The following SDK1 variants were observed in gnomAD, a reference collection of about 807,000 sequenced individuals.
SDK1 encodes sidekick cell adhesion molecule 1.
A neutral mutation model predicts 245.5 loss-of-function variants in SDK1; 157 were observed. That is an observed-to-expected ratio of 0.64 (90% CI 0.56 to 0.73). The LOEUF (loss-of-function observed/expected upper bound fraction) is 0.73. Ranked by LOEUF, SDK1 falls within the 30% of genes least tolerant of loss-of-function variation. The pLI, the probability that SDK1 is intolerant of heterozygous loss-of-function variation, is 0.00. For synonymous variants in SDK1, 1,647 were observed against 1,278.5 expected, an observed-to-expected ratio of 1.29 and a Z score of -6.15; for missense variants, 3,583 against 3,002.3, an observed-to-expected ratio of 1.19 and a Z score of -4.52.
chr7:3,883,096 T>C (rs1413003619), intron 5 of SDK1, among the ~76,000 whole-genome samples: 1 of 152,178 alleles, frequency 6.6e-6, no homozygotes, highest in Non-Finnish European at 1.5e-5. Flanking sequence ...TACTGGTTTC[T>C]ACAGAGCCCA....
At chr7:3,414,129 G>T (rs914041915) in intron 1 of SDK1, among the ~76,000 whole-genome samples, 1 of 152,130 alleles carries the variant, frequency 6.6e-6, no homozygotes, top group Non-Finnish European at 1.5e-5. Context: ...GGAACTGTTA[G>T]GATTTGTATG....
intron 1 of SDK1, among the ~76,000 whole-genome samples, chr7:3,604,956 C>T (rs765699362): frequency 6.6e-6 from 1 of 151,932 alleles, no homozygotes; most frequent in Non-Finnish European, 1.5e-5. Flanking sequence ...ATTCAGTTTC[C>T]AGGTCTTTGG....
chr7:3,595,678 C>G (rs1386944314), intron 1 of SDK1, among the ~76,000 whole-genome samples: 1 of 151,916 alleles, frequency 6.6e-6, no homozygotes, highest in Non-Finnish European at 1.5e-5. Context: ...TCCTGCGTGA[C>G]TTTGAACTAG....
At chr7:3,605,145 AACACAC>A (rs3086077) in intron 1 of SDK1, among the ~76,000 whole-genome samples, 1 of 147,316 alleles carries the variant, frequency 6.8e-6, no homozygotes, top group African/African-American at 2.5e-5. Context: ...AAAAACAAGA[AACACAC>A]ACACACACAC....
At chr7:3,802,534 CA>C (rs201330492) in intron 4 of SDK1, among the ~76,000 whole-genome samples, 2,752 of 141,840 alleles carry the variant, frequency 0.019, 47 homozygotes, top group East Asian at 0.11. Flanking sequence ...GACCCTATAT[CA>C]AAAAAAAAAA....
chr7:3,657,436 C>A lies in SDK1; in HGVS notation c.713+15331C>A, dbSNP rs1324312914. The stretch of plus-strand genomic sequence containing the variant: ...CCTGGAAAGAGGGTGAGGAGCGTCA[C>A]TGTCTGGAAATTCAGGGTCCTACCC... On this transcript the variant is annotated intron_variant, in intron 4 of 44. Transcript: ENST00000404826. Among the ~76,000 whole-genome samples the A allele has an allele frequency of 5.9e-5, 9 of 152,266 alleles. No individual in the cohort carries two copies. In the South Asian group the frequency reaches 1.2e-3, roughly 21 times the overall value.
intron 17 of SDK1, among the ~76,000 whole-genome samples, chr7:4,035,853 TTG>T (rs1788171142): frequency 6.6e-6 from 1 of 152,174 alleles, no homozygotes; most frequent in Non-Finnish European, 1.5e-5. Context: ...TTAGGCCAAC[TTG>T]AAGAGGCTCC....
intron 44 of SDK1, among the ~76,000 whole-genome samples, chr7:4,264,650 G>A (rs1313267295): frequency 1.3e-5 from 2 of 150,898 alleles, no homozygotes; most frequent in East Asian, 4.0e-4. Flanking sequence ...AAGGAAGGCC[G>A]TGTAGACCTC....
At chr7:3,453,232 A>C (rs906493104) in intron 1 of SDK1, among the ~76,000 whole-genome samples, 2 of 152,118 alleles carry the variant, frequency 1.3e-5, no homozygotes, top group Non-Finnish European at 2.9e-5. Flanking sequence ...TTCCTGTCCT[A>C]ATGCTTAAAC....
At chr7:3,398,323 C>T (rs1007475982) in intron 1 of SDK1, among the ~76,000 whole-genome samples, 13 of 151,990 alleles carry the variant, frequency 8.6e-5, no homozygotes, top group East Asian at 5.8e-4. Context: ...TAAGGTGTTG[C>T]GGAGAGGAAA....
chr7:3,882,621 T>C (rs1162696278), intron 5 of SDK1, among the ~76,000 whole-genome samples: 1 of 152,212 alleles, frequency 6.6e-6, no homozygotes, highest in Non-Finnish European at 1.5e-5. Flanking sequence ...ATGGAGCCAG[T>C]GTAGAATGTA....
intron 1 of SDK1, among the ~76,000 whole-genome samples, chr7:3,347,124 G>T (rs955875070): frequency 6.6e-6 from 1 of 151,618 alleles, no homozygotes; most frequent in African/African-American, 2.4e-5. Context: ...CCCTCTGCTT[G>T]CTTTCACTGC....
intron 21 of SDK1, among the ~76,000 whole-genome samples, chr7:4,078,688 C>G (rs988491347): frequency 2.0e-5 from 3 of 152,144 alleles, no homozygotes; most frequent in Admixed American, 6.5e-5. Context: ...AACACGAAAG[C>G]TCTCGTTTTG....
chr7:3,337,562 A>G (rs1335038058), intron 1 of SDK1, among the ~76,000 whole-genome samples: 1 of 152,200 alleles, frequency 6.6e-6, no homozygotes, highest in East Asian at 1.9e-4. Flanking sequence ...CCCAGACAGG[A>G]TCAACCCAAA....
intron 2 of SDK1, among the ~76,000 whole-genome samples, chr7:3,635,177 G>A (rs1382791368): frequency 1.3e-5 from 2 of 152,088 alleles, no homozygotes; most frequent in African/African-American, 4.8e-5. Context: ...CATTCAATTT[G>A]ACATTATTGT....
chr7:4,016,148 A>G (rs546254026), intron 16 of SDK1, among the ~76,000 whole-genome samples: 71 of 152,348 alleles, frequency 4.7e-4, no homozygotes, highest in Admixed American at 3.1e-3. Flanking sequence ...CACACAGGTA[A>G]TGGACATGGA....
At chr7:3,966,022 G>T (rs898260951) in intron 9 of SDK1, among the ~76,000 whole-genome samples, 1 of 151,938 alleles carries the variant, frequency 6.6e-6, no homozygotes, top group African/African-American at 2.4e-5. Context: ...AACAGGAGGA[G>T]CCTCGGGAGC....
At chr7:3,826,312 G>A (rs569814854) in intron 5 of SDK1, among the ~76,000 whole-genome samples, 68 of 152,286 alleles carry the variant, frequency 4.5e-4, no homozygotes, top group African/African-American at 1.3e-3. Context: ...GTTCCGTTCC[G>A]TCTTTACTTG....
At chr7:4,254,603 T>C (rs779480613) in intron 44 of SDK1, among the ~76,000 whole-genome samples, 7 of 152,176 alleles carry the variant, frequency 4.6e-5, no homozygotes, top group Non-Finnish European at 8.8e-5. Context: ...CTTAGTCCAA[T>C]GTTTGGGCAC....
Sources: allele counts gnomAD v4.1 joint callset (sites outside exome capture counted in the v4.1 genomes callset), GRCh38; gene constraint gnomAD v4.1.1; transcripts MANE v1.5; gene names NCBI Gene and HGNC (gene_info 2026-07-23, HGNC 2026-07-21).